ZNF566: variants seen among roughly 807,000 people sequenced by gnomAD.
The protein encoded by ZNF566 is zinc finger protein 566.
A neutral mutation model predicts 32.8 loss-of-function variants in ZNF566; 27 were observed. The ratio of observed to expected loss-of-function variants is 0.82; its 90% CI spans 0.61 to 1.14. The LOEUF (loss-of-function observed/expected upper bound fraction) is 1.14, where lower values mean the gene tolerates loss of function less well. Among genes scored for constraint, ZNF566 ranks in the 50% most tolerant of loss-of-function variants. ZNF566 has a pLI of 0.00. For synonymous variants in ZNF566, 154 were observed against 159.5 expected (o/e 0.97, Z 0.26); for missense variants, 402 against 490.4 (o/e 0.82, Z 1.70).
At chr19:36,482,632 G>C (rs1482168804) in intron 1 of ZNF566, among the ~76,000 whole-genome samples, 4 of 152,140 alleles carry the variant, frequency 2.6e-5, no homozygotes, top group African/African-American at 9.7e-5. Flanking sequence ...CTCTACTGTA[G>C]TTACTAAATA....
chr19:36,469,168 G>A (rs1469823331), intron 4 of ZNF566, among the ~76,000 whole-genome samples: 3 of 151,950 alleles, frequency 2.0e-5, no homozygotes, highest in East Asian at 1.9e-4. Flanking sequence ...GGTTATATAA[G>A]GGAGAAAGTA....
intron 1 of ZNF566, among the ~76,000 whole-genome samples, chr19:36,480,140 TAGG>T (rs1369344245): frequency 2.0e-5 from 3 of 151,904 alleles, no homozygotes; most frequent in Non-Finnish European, 4.4e-5. Flanking sequence ...AGAAAAAAAG[TAGG>T]AGGACTAAAA....
At chr19:36,465,254 T>C (rs1299429297) in intron 4 of ZNF566, among the ~76,000 whole-genome samples, 1 of 152,190 alleles carries the variant, frequency 6.6e-6, no homozygotes, top group Non-Finnish European at 1.5e-5. Flanking sequence ...TAAGGAAAGA[T>C]GGTGGAACAA....
Position 36,454,703 on chromosome 19 carries a change from CA to C in ZNF566, c.233-4703del, listed in dbSNP as rs373178581. 9.2e-5 allele frequency among the ~76,000 whole-genome samples: 14 copies of C among 152,220 alleles called. No homozygotes were observed. In the East Asian group the frequency reaches 1.5e-3, roughly 17 times the overall value. On this transcript the variant is annotated intron_variant, in intron 4 of 4. Transcript: ENST00000452939. Reference sequence around the variant, plus strand: ...ATCATGAAGAAAGAGAAAATCTGAACAGACCAATTATGAGTAGGATAGTTCC... The same window carrying C: ...ATCATGAAGAAAGAGAAAATCTGAACGACCAATTATGAGTAGGATAGTTCC...
intron 1 of ZNF566, among the ~76,000 whole-genome samples, chr19:36,487,897 C>CAAAAA (rs201784748): frequency 4.0e-5 from 3 of 75,522 alleles, no homozygotes; most frequent in Admixed American, 1.8e-4. Context: ...GACTCTGTCT[C>CAAAAA]AAAAAAAAAA....
chr19:36,450,552 G>A (rs575364362), intron 4 of ZNF566, among the ~76,000 whole-genome samples: 5 of 152,284 alleles, frequency 3.3e-5, no homozygotes, highest in South Asian at 4.1e-4. Context: ...GCCGAGGCAC[G>A]AGAATTGCTT....
rs1339211210 is a variant in ZNF566 at position 36,446,113 on chromosome 19, T to A, written c.*2864A>T. The A allele has an allele frequency of 6.8e-6, 1 of 146,372 alleles. No individual in the cohort carries two copies. The highest frequency in any genetic ancestry group is 1.9e-4 in the East Asian group (1 of 5,134). The allele number at this position is 146,372 out of a possible 1,614,324, so 9.1% of individuals were successfully genotyped here. ...TCAGGGAAATGTATAGTTATCCATTTTTCTGTAAAAACATAATAAAATAAT... is the reference window on the plus strand; with the variant it reads ...TCAGGGAAATGTATAGTTATCCATTATTCTGTAAAAACATAATAAAATAAT... On this transcript the variant is annotated 3_prime_UTR_variant, in exon 5 of 5. Transcript: ENST00000452939.
At chr19:36,468,556 A>G (rs1165552478) in intron 4 of ZNF566, among the ~76,000 whole-genome samples, 2 of 151,780 alleles carry the variant, frequency 1.3e-5, no homozygotes, top group African/African-American at 4.9e-5. Context: ...CAGTGAACCC[A>G]GATCACGCCA....
intron 1 of ZNF566, among the ~76,000 whole-genome samples, chr19:36,484,591 T>C (rs866358570): frequency 1.5e-4 from 20 of 137,002 alleles, no homozygotes; most frequent in Admixed American, 3.6e-4. Context: ...TAGTTTCTTT[T>C]TTTTTTTTTT....
chr19:36,448,808 T>C lies in ZNF566; in HGVS notation c.*169A>G. On this transcript the variant is annotated 3_prime_UTR_variant, in exon 5 of 5. Transcript: ENST00000452939. ...TTTAGTTAAGGGCTTCCAAAGTATA[T>C]TCTATTCATAGAGTATTTCTCCAAC... 1 of 583,780 alleles carries C rather than the reference T, an allele frequency of 1.7e-6. No individual in the cohort carries two copies. The highest frequency in any genetic ancestry group is 2.8e-6 in the Non-Finnish European group (1 of 354,012). The allele number at this position is 583,780 out of a possible 1,614,324, so 36.2% of individuals were successfully genotyped here. A position where few individuals can be genotyped will look rare whatever the true frequency, so the allele number is the denominator to read the frequency against.
In ZNF566 at chr19:36,473,379, A is replaced by T; in HGVS notation, c.89T>A (p.Leu30Ter). ...WECLNDDQRD[L>*]YRDVMLENYS... ...ATTCTCCAACATCACATCTCTGTAT[A>T]AATCTCTCTGATCATCATTCAGGCA... is the stretch of plus-strand genomic sequence containing the variant. The change falls in exon 3 of 5, where the codon TTA becomes TAA. Residue 30 changes from leucine to a stop codon, truncating the protein, a stop_gained. Transcript: ENST00000452939. LOFTEE classifies it high-confidence loss of function. The T allele has an allele frequency of 6.2e-7, 1 of 1,613,968 alleles. No individual in the cohort carries two copies.
At chr19:36,470,425 G>A (rs977838860) in intron 4 of ZNF566, among the ~76,000 whole-genome samples, 2 of 151,968 alleles carry the variant, frequency 1.3e-5, no homozygotes, top group Admixed American at 1.3e-4. Flanking sequence ...TACACTCCAA[G>A]ACTGAATCCT....
At chr19:36,488,826 T>C (rs1444595471) in intron 1 of ZNF566, among the ~76,000 whole-genome samples, 2 of 152,118 alleles carry the variant, frequency 1.3e-5, no homozygotes, top group Non-Finnish European at 2.9e-5. Context: ...GTATAATGCC[T>C]AGAGAAGTAT....
In ZNF566 at chr19:36,448,749, A is replaced by G. The variant is rs923628271; in HGVS notation, c.*228T>C. On this transcript the variant is annotated 3_prime_UTR_variant, in exon 5 of 5. Coordinates refer to ENST00000452939, the MANE Select transcript of ZNF566 (RefSeq NM_001145344.1). ...AGACTGAATTATCTATCATATTGCT[A>G]GACTGAATTATCTGATGTCAAGAGA... The G allele has an allele frequency of 1.8e-5, 7 of 398,834 alleles. No individual in the cohort carries two copies. The highest frequency in any genetic ancestry group is 1.0e-4 in the African/African-American group (5 of 48,300). The allele number at this position is 398,834 out of a possible 1,614,324, so 24.7% of individuals were successfully genotyped here. A position where few individuals can be genotyped will look rare whatever the true frequency, so the allele number is the denominator to read the frequency against.
At chr19:36,459,129 A>G (rs1476086405) in intron 4 of ZNF566, among the ~76,000 whole-genome samples, 2 of 152,254 alleles carry the variant, frequency 1.3e-5, no homozygotes, top group Admixed American at 1.3e-4. Context: ...ACAGAAAATA[A>G]TAAGTCATAG....
intron 4 of ZNF566, among the ~76,000 whole-genome samples, chr19:36,458,231 A>G (rs2912439): frequency 0.27 from 41,364 of 151,958 alleles, 5,816 homozygotes; most frequent in South Asian, 0.37. Context: ...ATGTGTGGGC[A>G]TATATATGTA....
intron 1 of ZNF566, among the ~76,000 whole-genome samples, chr19:36,482,001 T>C (rs2034044488): frequency 6.6e-6 from 1 of 152,174 alleles, no homozygotes; most frequent in African/African-American, 2.4e-5. Flanking sequence ...AAAAAGAATA[T>C]AGGTAACTCT....
At position 36,473,346 on chromosome 19, in the gene ZNF566, T is replaced by C. The variant is rs759661561; in HGVS notation, c.122A>G (p.Asn41Ser). ...YRDVMLENYS[N>S]LVSMGHSISK... ...GATGTCCTTACCCATTGAAACCAGGTTGCTGTAATTCTCCAACATCACATC... is the reference window on the plus strand; with the variant it reads ...GATGTCCTTACCCATTGAAACCAGGCTGCTGTAATTCTCCAACATCACATC... Residue 41 changes from asparagine (N) to serine (S), a missense_variant, in exon 3 of 5, where the codon AAC becomes AGC. Physicochemically the swap from Asn to Ser is conservative, Grantham distance 46. Around this residue, in one of 3 missense-constraint regions of ZNF566, gnomAD observed 220 missense variants for 241.9 expected, o/e 0.91. Transcript: ENST00000452939. 8.7e-6 allele frequency: 14 copies of C among 1,613,990 alleles called. No homozygotes were observed. Among genetic ancestry groups the C allele is most frequent in the Non-Finnish European group, 8.5e-7 (1 of 1,179,996 alleles).
chr19:36,482,710 T>C (rs1013373786), intron 1 of ZNF566, among the ~76,000 whole-genome samples: 10 of 152,316 alleles, frequency 6.6e-5, no homozygotes, highest in South Asian at 6.2e-4. Context: ...GAGCTAATTA[T>C]TGATTCTGAG....
Sources: allele counts gnomAD v4.1 joint callset (sites outside exome capture counted in the v4.1 genomes callset), GRCh38; gene constraint gnomAD v4.1.1; regional missense constraint gnomAD v4.1.1; transcripts MANE v1.5; gene names NCBI Gene and HGNC (gene_info 2026-07-23, HGNC 2026-07-21).